The following TRPM2 variants were observed in gnomAD, a reference collection of about 807,000 sequenced individuals.
The protein encoded by TRPM2 is transient receptor potential cation channel subfamily M member 2.
Under a neutral mutation model 174.0 loss-of-function variants are expected in TRPM2, and 161 were observed. The ratio of observed to expected loss-of-function variants is 0.93; its 90% CI spans 0.81 to 1.05. The LOEUF is 1.05. TRPM2 is among the 50% of genes least tolerant of loss of function. The probability of loss-of-function intolerance (pLI) is 0.00; values close to 1 mark genes in which losing one functional copy is unlikely to be tolerated. For missense variants in TRPM2, 2,057 were observed against 2,038.0 expected, an observed-to-expected ratio of 1.01 and a Z score of -0.18; for synonymous variants, 954 against 861.3, an observed-to-expected ratio of 1.11 and a Z score of -1.88.
intron 27 of TRPM2, among the ~76,000 whole-genome samples, chr21:44,430,471 A>G (rs796537570): frequency 0.012 from 77 of 6,550 alleles, 33 homozygotes; most frequent in Middle Eastern, 0.1. Flanking sequence ...CGCCCAGGCC[A>G]GACTGCGGAC....
At chr21:44,353,477 C>A, upstream of TRPM2, 2 of 548,806 alleles carry the variant, frequency 3.6e-6, no homozygotes, top group Non-Finnish European at 5.7e-6. Flanking sequence ...AGGGACACAG[C>A]TCAGGCAGCT....
At chr21:44,440,502 T>TAC (rs1371998401) in intron 30 of TRPM2, among the ~76,000 whole-genome samples, 1 of 152,270 alleles carries the variant, frequency 6.6e-6, no homozygotes, top group Non-Finnish European at 1.5e-5. Flanking sequence ...AGTGGACTCC[T>TAC]ACAACAGGTG....
At chr21:44,403,867 TAC>T (rs2049737372) in intron 16 of TRPM2, among the ~76,000 whole-genome samples, 1 of 148,430 alleles carries the variant, frequency 6.7e-6, no homozygotes, top group Admixed American at 6.7e-5. Context: ...CACACAAATA[TAC>T]ACATACATAC....
chr21:44,380,876 C>T (rs967364120), intron 8 of TRPM2, among the ~76,000 whole-genome samples: 13 of 152,144 alleles, frequency 8.5e-5, no homozygotes, highest in African/African-American at 1.9e-4. Context: ...GAGGCCCTGG[C>T]GTCCATATGG....
intron 24 of TRPM2, 129 bp from the exon 25 acceptor site, chr21:44,425,541 C>T: frequency 8.5e-7 from 1 of 1,174,414 alleles, no homozygotes; most frequent in Non-Finnish European, 1.1e-6. Context: ...CCTGCATGGC[C>T]ATTTGGGCTC....
intron 7 of TRPM2, 138 bp downstream of exon 7, chr21:44,377,911 G>A: frequency 9.7e-7 from 1 of 1,032,006 alleles, no homozygotes; most frequent in Non-Finnish European, 1.4e-6. Context: ...AAGAGAAAGA[G>A]CATCTACGCT....
intron 17 of TRPM2, among the ~76,000 whole-genome samples, chr21:44,405,575 A>ACCC (rs2049840342): frequency 6.6e-6 from 1 of 152,000 alleles, no homozygotes; most frequent in Non-Finnish European, 1.5e-5. Flanking sequence ...CTGCCTCCCT[A>ACCC]CTGTGGGCTC....
intron 27 of TRPM2, among the ~76,000 whole-genome samples, chr21:44,428,827 T>G (rs2050926311): frequency 6.7e-6 from 1 of 149,276 alleles, no homozygotes; most frequent in Non-Finnish European, 1.5e-5. Flanking sequence ...GTGTGGCTCC[T>G]CCCCTTACGT....
intron 16 of TRPM2, among the ~76,000 whole-genome samples, chr21:44,402,255 A>G (rs768677421): frequency 9.2e-5 from 14 of 152,280 alleles, no homozygotes; most frequent in Middle Eastern, 3.4e-3. Flanking sequence ...CTCACGTTCA[A>G]TAACGAGCCA....
rs565665228 is a variant in TRPM2 at position 44,410,041 on chromosome 21, A to G, written c.2962+3276A>G. Among the ~76,000 whole-genome samples the G allele has an allele frequency of 4.1e-3, 626 of 151,174 alleles. 7 individuals are homozygous for G. Among genetic ancestry groups the G allele is most frequent in the African/African-American group, 0.014 (592 of 40,986 alleles). On this transcript the variant is annotated intron_variant, in intron 19 of 31. Transcript: ENST00000397928. ...ACTGTCTTGGTTGGCGTAGCCTTGTAGTAAGTTTTGATCGCGCTGTCTTGG... is the reference window on the plus strand; with the variant it reads ...ACTGTCTTGGTTGGCGTAGCCTTGTGGTAAGTTTTGATCGCGCTGTCTTGG...
rs371207692 is a variant in TRPM2 at position 44,418,015 on chromosome 21, G to T, written c.3235G>T (p.Ala1079Ser). 1 of 1,612,752 alleles carries T rather than the reference G, an allele frequency of 6.2e-7. No homozygotes were observed. The highest frequency in any genetic ancestry group is 8.5e-7 in the Non-Finnish European group (1 of 1,179,990). ...GATCGAGGAGTACCACGGCCGCCCC[G>T]CCGCGCCGCCCCCCTTCATCCTCCT... ...DLIEEYHGRP[A>S]APPPFILLSH... Residue 1079 changes from alanine (A) to serine (S), a missense_variant, in exon 21 of 32, where the codon GCC (alanine) becomes TCC (serine). By Grantham distance (99) the Ala-to-Ser change is moderately conservative. Transcript: ENST00000397928.
In TRPM2 at chr21:44,418,559, T is replaced by C; in HGVS notation, c.3461+4T>C. ...AGATCGAGGACATCAGCAATAAGTA[T>C]GGGGGCTCCGGTGGGCCTGGGGGCG... On this transcript the variant is annotated splice_donor_region_variant and intron_variant, in intron 22 of 31. Coordinates refer to ENST00000397928, the MANE Select transcript of TRPM2 (RefSeq NM_003307.4). 6 of 1,613,690 alleles carry C rather than the reference T, an allele frequency of 3.7e-6. No individual in the cohort carries two copies. The highest frequency in any genetic ancestry group is 5.1e-6 in the Non-Finnish European group (6 of 1,179,840).
rs994883769 is a variant in TRPM2, at chr21:44,364,236, C to T, written c.377C>T (p.Ala126Val). The T allele has an allele frequency of 9.3e-6, 15 of 1,614,080 alleles. No homozygotes were observed. Among genetic ancestry groups the T allele is most frequent in the Non-Finnish European group, 1.2e-5 (14 of 1,180,044 alleles). Residue 126 changes from alanine to valine, a missense_variant, in exon 3 of 32, where the codon GCC becomes GTC. Ala to Val is a moderately conservative substitution (Grantham distance 64). Transcript: ENST00000397928. ...KKHVQEMPTD[A>V]FGDIVFTGLS... ...CATGTCCAGGAGATGCCAACCGATG[C>T]CTTTGGCGACATCGTCTTCACGGGC...
Position 44,441,853 on chromosome 21 carries a change from C to T in TRPM2, c.*36C>T, listed in dbSNP as rs775650044. ...AGGCTGGGCGGCTCCAGTCCATAGACGTTCCCCCCAGAAACCAGGGCTTCT... is the reference window on the plus strand; with the variant it reads ...AGGCTGGGCGGCTCCAGTCCATAGATGTTCCCCCCAGAAACCAGGGCTTCT... On this transcript the variant is annotated 3_prime_UTR_variant, in exon 32 of 32. Coordinates refer to ENST00000397928, the MANE Select transcript of TRPM2 (RefSeq NM_003307.4). The T allele has an allele frequency of 1.2e-5, 18 of 1,558,306 alleles. No individual in the cohort carries two copies. In the East Asian group the frequency reaches 2.1e-4, roughly 18 times the overall value.
chr21:44,414,416 C>T (rs2050210181), intron 20 of TRPM2, among the ~76,000 whole-genome samples: 1 of 152,232 alleles, frequency 6.6e-6, no homozygotes, highest in African/African-American at 2.4e-5. Context: ...CTCGTTCCTT[C>T]TGCGCAGGCG....
Position 44,391,203 on chromosome 21 carries a change from G to A in TRPM2, c.1441-69G>A, listed in dbSNP as rs937228625. 1.9e-6 allele frequency: 3 copies of A among 1,541,616 alleles called. No individual in the cohort carries two copies. The Admixed American group carries it at 5.3e-5, about 27-fold the overall frequency. ...GACAACAGCAGCCCCCATCTCCAGGGTCTTTGAGATCAGGATGACATGGGG... is the reference window on the plus strand; with the variant it reads ...GACAACAGCAGCCCCCATCTCCAGGATCTTTGAGATCAGGATGACATGGGG... On this transcript the variant is annotated intron_variant, in intron 10 of 31. Transcript: ENST00000397928. This position sits in a 1 kb window ranked among gnomAD's most constrained non-coding sequence, Gnocchi z 5.0.
Position 44,439,531 on chromosome 21 carries a change from G to T in TRPM2, c.4269+363G>T, listed in dbSNP as rs1024969100. On this transcript the variant is annotated intron_variant, in intron 30 of 31. Coordinates refer to ENST00000397928, the MANE Select transcript of TRPM2 (RefSeq NM_003307.4). The surrounding 1 kb of genome is among the most constrained non-coding windows in gnomAD (Gnocchi z 5.1). ...TGCCTCGAGCACAGCTGCGCCCAAGGGTGCTGGGAAGCCAGCCCCTCCCTC... is the reference window on the plus strand; with the variant it reads ...TGCCTCGAGCACAGCTGCGCCCAAGTGTGCTGGGAAGCCAGCCCCTCCCTC... Among the ~76,000 whole-genome samples, 1 of 152,062 alleles carries T rather than the reference G, an allele frequency of 6.6e-6. No individual in the cohort carries two copies. The highest frequency in any genetic ancestry group is 6.5e-5 in the Admixed American group (1 of 15,268).
intron 8 of TRPM2, among the ~76,000 whole-genome samples, chr21:44,381,952 G>GGCTA (rs2048890792): frequency 1.4e-5 from 2 of 143,480 alleles, no homozygotes; most frequent in African/African-American, 5.2e-5. Context: ...ATAGATAGAT[G>GGCTA]GATAGATAGA....
rs1315347022 is a variant in TRPM2, at chr21:44,400,668, C to T, written c.2321+297C>T. Among the ~76,000 whole-genome samples, 4 of 152,338 alleles carry T rather than the reference C, an allele frequency of 2.6e-5. No homozygotes were observed. In the South Asian group the frequency reaches 6.2e-4, roughly 24 times the overall value. ...AGGAAAGATGGTCTCCTGCTCCTGC[C>T]GGCACTGTAGACCTGAGCCAGTCTG... On this transcript the variant is annotated intron_variant, in intron 15 of 31. Coordinates refer to ENST00000397928, the MANE Select transcript of TRPM2 (RefSeq NM_003307.4).
Sources: allele counts gnomAD v4.1 joint callset (sites outside exome capture counted in the v4.1 genomes callset), GRCh38; gene constraint gnomAD v4.1.1; non-coding constraint Gnocchi (gnomAD v3.1); transcripts MANE v1.5; gene names NCBI Gene and HGNC (gene_info 2026-07-23, HGNC 2026-07-21).